The following APLP2 variants were observed in gnomAD, a reference collection of about 807,000 sequenced individuals.
APLP2 encodes the protein amyloid beta precursor like protein 2.
In APLP2, 53 loss-of-function variants were observed where a neutral mutation model predicts 89.9. That is an observed-to-expected ratio of 0.59 (90% CI 0.47 to 0.74). APLP2 has a LOEUF of 0.74. Among genes scored for constraint, APLP2 ranks in the 30% least tolerant of loss-of-function variants. APLP2 has a pLI of 0.00. For synonymous variants in APLP2, 372 were observed against 348.6 expected (o/e 1.07, Z -0.75); for missense variants, 973 against 975.9 (o/e 1.00, Z 0.04).
intron 1 of APLP2, among the ~76,000 whole-genome samples, chr11:130,087,552 T>G (rs751572220): frequency 3.2e-4 from 49 of 152,208 alleles, no homozygotes; most frequent in Non-Finnish European, 6.2e-4. Context: ...GTCTGTGATG[T>G]AGAGGCAGTT....
intron 1 of APLP2, chr11:130,070,657 C>T (rs1444566217): frequency 1.4e-6 from 2 of 1,472,722 alleles, no homozygotes; most frequent in East Asian, 3.0e-5. Context: ...CCGCCCGCTG[C>T]TCCCTCTGCC....
At position 130,070,072 on chromosome 11, in the gene APLP2, G is replaced by A; in HGVS notation, c.95G>A (p.Gly32Asp). 1.4e-6 allele frequency: 2 copies of A among 1,477,938 alleles called. No individual in the cohort carries two copies. Among genetic ancestry groups the A allele is most frequent in the Non-Finnish European group, 1.8e-6 (2 of 1,122,532 alleles). 91.6% of individuals were successfully genotyped at this position (1,477,938 alleles called of 1,614,324 possible). A position where few individuals can be genotyped will look rare whatever the true frequency, so the allele number is the denominator to read the frequency against. ...ACGGCGCCTGCCTTGGCGCTGGCCG[G>A]CTACATCGAGGTGGGGACCGGGCGA... ...GLTAPALALA[G>D]YIEALAANAG... Residue 32 changes from glycine to aspartate, a missense_variant, in exon 1 of 17, where the codon GGC becomes GAC. By Grantham distance (94) the Gly-to-Asp change is moderately conservative (BLOSUM62 -1). Coordinates refer to ENST00000338167, the MANE Select transcript of APLP2 (RefSeq NM_001142276.2).
At chr11:130,121,483 T>C (rs1031166329) in intron 4 of APLP2, 131 bp from the exon 5 acceptor site, 3 of 1,168,530 alleles carry the variant, frequency 2.6e-6, no homozygotes, top group East Asian at 2.8e-5. Context: ...TGACAGAAAA[T>C]GTATGTGTTC....
At chr11:130,140,114 A>G (rs1390467291) in intron 13 of APLP2, among the ~76,000 whole-genome samples, 1 of 152,184 alleles carries the variant, frequency 6.6e-6, no homozygotes, top group African/African-American at 2.4e-5. Flanking sequence ...GTGTCTTACA[A>G]TAAACATTTT....
chr11:130,140,565 G>GCATCT (rs1183436296), intron 14 of APLP2, 82 bp downstream of exon 14: 16 of 1,170,480 alleles, frequency 1.4e-5, no homozygotes, highest in Non-Finnish European at 1.8e-5. Context: ...GATGCTTCCA[G>GCATCT]GTGCACGTCT....
rs554700025 is a variant in APLP2, at chr11:130,117,478, C to T, written c.404-3228C>T. ...TTTTTTCTGAGACGGAGTCTCTTGC[C>T]CAGGCTGGAGTGCAGTGGCATGATC... On this transcript the variant is annotated intron_variant, in intron 3 of 16. Coordinates refer to ENST00000338167, the MANE Select transcript of APLP2 (RefSeq NM_001142276.2). 3.3e-5 allele frequency among the ~76,000 whole-genome samples: 5 copies of T among 151,976 alleles called. No individual in the cohort carries two copies. In the East Asian group the frequency reaches 5.8e-4, roughly 18 times the overall value.
rs1230136741 is a variant in APLP2 at position 130,126,811 on chromosome 11, A to G, written c.1202A>G (p.His401Arg). 1 of 1,614,240 alleles carries G rather than the reference A, an allele frequency of 6.2e-7. No individual in the cohort carries two copies. Among genetic ancestry groups the G allele is most frequent in the South Asian group, 1.1e-5 (1 of 91,088 alleles). ...QKAKEQLEIR[H>R]RNRMDRVKKE... Reference sequence around the variant, plus strand: ...GCTAAGGAGCAGCTGGAGATTCGGCACCGCAACCGAATGGACAGGGTAAAC... The same window carrying G: ...GCTAAGGAGCAGCTGGAGATTCGGCGCCGCAACCGAATGGACAGGGTAAAC... Residue 401 changes from histidine to arginine, a missense_variant, in exon 8 of 17, where the codon CAC becomes CGC. By Grantham distance (29) the His-to-Arg change is conservative. Coordinates refer to ENST00000338167, the MANE Select transcript of APLP2 (RefSeq NM_001142276.2).
chr11:130,138,485 A>G (rs1951901850), intron 13 of APLP2, among the ~76,000 whole-genome samples: 1 of 152,056 alleles, frequency 6.6e-6, no homozygotes, highest in Non-Finnish European at 1.5e-5. Context: ...GACAATTTAA[A>G]CATTAACTTT....
At chr11:130,070,659 C>T (rs749422283) in intron 1 of APLP2, 2 of 1,474,452 alleles carry the variant, frequency 1.4e-6, no homozygotes, top group South Asian at 2.6e-5. Flanking sequence ...GCCCGCTGCT[C>T]CCTCTGCCGC....
chr11:130,092,706 AGGGAGG>A (rs1172362980), intron 1 of APLP2, among the ~76,000 whole-genome samples: 9 of 30,688 alleles, frequency 2.9e-4, no homozygotes, highest in Admixed American at 4.8e-4. Flanking sequence ...CCGTGGGGGG[AGGGAGG>A]GGGAGGGGGA....
rs549744811 is a variant in APLP2 at position 130,104,384 on chromosome 11, AATTTTTGT to A, written c.106-5038_106-5031del. 3.1e-3 allele frequency among the ~76,000 whole-genome samples: 466 copies of A among 151,486 alleles called. 3 individuals are homozygous for A. Among genetic ancestry groups the A allele is most frequent in the African/African-American group, 0.011 (441 of 41,262 alleles). On this transcript the variant is annotated intron_variant, in intron 1 of 16. Coordinates refer to ENST00000338167, the MANE Select transcript of APLP2 (RefSeq NM_001142276.2). ...TAGGCACGCGCCCCCATGCCTGGCTAATTTTTGTATTTTTAGTAGAGACAGGGTTTCAC... is the reference window on the plus strand; with the variant it reads ...TAGGCACGCGCCCCCATGCCTGGCTAATTTTTAGTAGAGACAGGGTTTCAC...
intron 1 of APLP2, among the ~76,000 whole-genome samples, chr11:130,071,809 C>T (rs1941157816): frequency 2.0e-5 from 3 of 152,340 alleles, no homozygotes; most frequent in East Asian, 1.9e-4. Flanking sequence ...TTTATGGTAA[C>T]TCCTGTTCTT....
intron 8 of APLP2, among the ~76,000 whole-genome samples, chr11:130,127,196 A>G (rs751564596): frequency 6.6e-6 from 1 of 152,096 alleles, no homozygotes; most frequent in Non-Finnish European, 1.5e-5. Context: ...CCATACAAAT[A>G]TATTAGATGA....
rs1949830723 is a variant in APLP2, at chr11:130,121,637, C to T, written c.540C>T (p.Thr180=). Residue 180 remains threonine, a synonymous_variant, in exon 5 of 17, where the codon ACC becomes ACT. Transcript: ENST00000338167. The part of the protein sequence containing the change: ...VKEACLTQGM[T]LYSYGMLLPC... The stretch of plus-strand genomic sequence containing the variant: ...AGGCATGTCTGACTCAGGGAATGAC[C>T]TTATATAGCTACGGCATGCTGCTCC... 3.1e-6 allele frequency: 5 copies of T among 1,613,854 alleles called. No homozygotes were observed. Among genetic ancestry groups the T allele is most frequent in the Non-Finnish European group, 4.2e-6 (5 of 1,179,952 alleles).
intron 1 of APLP2, among the ~76,000 whole-genome samples, chr11:130,096,504 G>A (rs1946228423): frequency 6.6e-6 from 1 of 152,162 alleles, no homozygotes; most frequent in Non-Finnish European, 1.5e-5. Flanking sequence ...AATTGCATGA[G>A]ACTTGGAGTT....
intron 5 of APLP2, among the ~76,000 whole-genome samples, chr11:130,122,054 G>C (rs1358930868): frequency 6.6e-6 from 1 of 152,054 alleles, no homozygotes; most frequent in Non-Finnish European, 1.5e-5. Flanking sequence ...TTAAGAGTCC[G>C]TGTCATTTGT....
intron 11 of APLP2, 23 bp downstream of exon 11, chr11:130,130,189 T>C: frequency 1.2e-6 from 2 of 1,614,222 alleles, no homozygotes; most frequent in Non-Finnish European, 1.7e-6. Context: ...TAGTAGAAAT[T>C]GCTGCCGTGA....
chr11:130,083,577 G>GTA lies in APLP2; in HGVS notation c.105+13496_105+13497dup, dbSNP rs1197178378. ...TATCCCATATAAGGGGAATCATGCA[G>GTA]TACTTGTCTTTTTGTGACTTGTTTA... On this transcript the variant is annotated intron_variant, in intron 1 of 16. Transcript: ENST00000338167. 7.2e-5 allele frequency among the ~76,000 whole-genome samples: 11 copies of GTA among 152,294 alleles called. No individual in the cohort carries two copies. The South Asian group carries it at 2.1e-3, about 29-fold the overall frequency.
intron 8 of APLP2, among the ~76,000 whole-genome samples, chr11:130,127,388 C>T (rs1407090226): frequency 1.3e-5 from 2 of 152,170 alleles, no homozygotes; most frequent in African/African-American, 2.4e-5. Context: ...CTTGCTAGGC[C>T]TAAGCTCCAC....
Sources: gnomAD v4.1 joint callset for allele counts (sites outside exome capture counted in the v4.1 genomes callset) on GRCh38, gnomAD v4.1.1 for gene constraint, MANE v1.5 for transcripts, NCBI Gene and HGNC (gene_info 2026-07-23, HGNC 2026-07-21) for gene names.